The following MEGF6 variants were observed in gnomAD, a reference collection of about 807,000 sequenced individuals.
MEGF6 encodes multiple epidermal growth factor-like domains protein 6.
A neutral mutation model predicts 207.1 loss-of-function variants in MEGF6; 184 were observed. The ratio of observed to expected loss-of-function variants is 0.89; its 90% CI spans 0.79 to 1.00. MEGF6 has a LOEUF of 1.00. Among genes scored for constraint, MEGF6 ranks in the 50% least tolerant of loss-of-function variants. The pLI is 0.00. For synonymous variants in MEGF6, 1,038 were observed against 910.0 expected (o/e 1.14, Z -2.53); for missense variants, 2,282 against 2,202.9 (o/e 1.04, Z -0.72).
upstream of MEGF6, among the ~76,000 whole-genome samples, chr1:3,615,392 G>T (rs958215308): frequency 2.0e-5 from 3 of 152,164 alleles, no homozygotes; most frequent in African/African-American, 7.2e-5. Flanking sequence ...GCCTCCCTCT[G>T]GTCCTCTTTC....
intron 3 of MEGF6, among the ~76,000 whole-genome samples, chr1:3,581,925 C>T (rs757988578): frequency 1.1e-4 from 17 of 149,052 alleles, no homozygotes; most frequent in Non-Finnish European, 1.3e-4. Flanking sequence ...CCATACCATT[C>T]CCTCCCTCCC....
chr1:3,497,098 C>A lies in MEGF6; in HGVS notation c.3503G>T (p.Gly1168Val). 1 of 1,571,994 alleles carries A rather than the reference C, an allele frequency of 6.4e-7. No individual in the cohort carries two copies. The highest frequency in any genetic ancestry group is 1.2e-5 in the South Asian group (1 of 86,520). ...CTGGCACATCTGCGCACAGTCCTCCCCAAAGCTGCCGGGTGGGCAGGCTGG... is the reference window on the plus strand; with the variant it reads ...CTGGCACATCTGCGCACAGTCCTCCACAAAGCTGCCGGGTGGGCAGGCTGG... The part of the protein sequence containing the change: ...CEQACPPGSF[G>V]EDCAQMCQCP... Residue 1168 changes from glycine to valine, a missense_variant, in exon 28 of 37, where the codon GGG becomes GTG. Transcript: ENST00000356575.
At chr1:3,508,537 G>A in intron 13 of MEGF6, 21 bp downstream of exon 13, 1 of 1,607,652 alleles carries the variant, frequency 6.2e-7, no homozygotes. Context: ...CCAGCCCCCA[G>A]CCCCTGCCCA....
chr1:3,584,338 T>C (rs1477758877), intron 3 of MEGF6, among the ~76,000 whole-genome samples: 2 of 152,240 alleles, frequency 1.3e-5, no homozygotes, highest in Non-Finnish European at 2.9e-5. Flanking sequence ...GTGAAGACCT[T>C]GGGCCACTTC....
intron 4 of MEGF6, among the ~76,000 whole-genome samples, chr1:3,545,836 C>T (rs1362511496): frequency 6.6e-6 from 1 of 152,238 alleles, no homozygotes; most frequent in Non-Finnish European, 1.5e-5. Context: ...TCCCGCTGGC[C>T]ACAAGCACAG....
At position 3,542,465 on chromosome 1, in the gene MEGF6, T is replaced by A. The variant is rs1052942690; in HGVS notation, c.482-18219A>T. Among the ~76,000 whole-genome samples the A allele has an allele frequency of 2.0e-4, 31 of 151,312 alleles. 1 individual carries two copies. The highest frequency in any genetic ancestry group is 1.9e-3 in the Admixed American group (29 of 15,232). ...GGGGTCCCCAGGCCTGGATGTAGGG[T>A]CCTGGCCGCCCCCCACTCAGCCTGA... On this transcript the variant is annotated intron_variant, in intron 4 of 36. Coordinates refer to ENST00000356575, the MANE Select transcript of MEGF6 (RefSeq NM_001409.4).
intron 1 of MEGF6, among the ~76,000 whole-genome samples, chr1:3,602,869 CAA>C (rs1644183067): frequency 1.3e-5 from 2 of 152,192 alleles, no homozygotes; most frequent in African/African-American, 4.8e-5. Flanking sequence ...TAAGACCTTG[CAA>C]CACAGCCACC....
At chr1:3,567,069 G>A (rs1643361961) in intron 4 of MEGF6, among the ~76,000 whole-genome samples, 1 of 152,244 alleles carries the variant, frequency 6.6e-6, no homozygotes, top group Admixed American at 6.5e-5. Context: ...TGCACTTGGG[G>A]CCTGCTGCTG....
In MEGF6 at chr1:3,603,703, C is replaced by T. The variant is rs114420174; in HGVS notation, c.132-1103G>A. ...TCCTCATCAGAGGTCCCCACCCCAC[C>T]GGGAATATTGTCCAGGCTCGGTACC... On this transcript the variant is annotated intron_variant, in intron 1 of 36. Transcript: ENST00000356575. 4.9e-3 allele frequency among the ~76,000 whole-genome samples: 741 copies of T among 152,234 alleles called. 4 individuals are homozygous for T. The highest frequency in any genetic ancestry group is 0.016 in the African/African-American group (650 of 41,532).
chr1:3,509,498 C>T lies in MEGF6; in HGVS notation c.1358-253G>A, dbSNP rs550751400. On this transcript the variant is annotated intron_variant, in intron 11 of 36. Transcript: ENST00000356575. ...CCCTCTGCCCCCAGCCTCATCCCAA[C>T]TCTAGGGACTCTGGGGCCTAGAGGG... is the stretch of plus-strand genomic sequence containing the variant. Among the ~76,000 whole-genome samples the T allele has an allele frequency of 9.8e-5, 15 of 152,314 alleles. No individual in the cohort carries two copies. The East Asian group carries it at 2.7e-3, about 27-fold the overall frequency.
At chr1:3,536,605 G>A (rs1388435967) in intron 4 of MEGF6, among the ~76,000 whole-genome samples, 3 of 152,146 alleles carry the variant, frequency 2.0e-5, no homozygotes, top group Admixed American at 1.3e-4. Context: ...CGGAGAATGT[G>A]GGGTCTGGAA....
intron 4 of MEGF6, among the ~76,000 whole-genome samples, chr1:3,529,340 T>C (rs1642070323): frequency 6.6e-6 from 1 of 152,116 alleles, no homozygotes; most frequent in Non-Finnish European, 1.5e-5. Context: ...AACCTGCTCA[T>C]TCCAGGGACA....
At chr1:3,493,354 CCCCTCCTATCCTCAGGTGGGT>C (rs1640456929) in intron 34 of MEGF6, 4 of 240,528 alleles carry the variant, frequency 1.7e-5, no homozygotes, top group Middle Eastern at 1.5e-3. Context: ...CTCAGGTGAG[CCCCTCCTATCCTCAGGTGGGT>C]CCCTCCTATC....
At chr1:3,603,241 C>G (rs980511350) in intron 1 of MEGF6, among the ~76,000 whole-genome samples, 4 of 152,114 alleles carry the variant, frequency 2.6e-5, no homozygotes, top group Admixed American at 2.0e-4. Flanking sequence ...GGACAGGCAC[C>G]TTAAGCCAGC....
chr1:3,494,156 C>T lies in MEGF6; in HGVS notation c.4130-32G>A, dbSNP rs757459275. On this transcript the variant is annotated intron_variant, in intron 32 of 36. Coordinates refer to ENST00000356575, the MANE Select transcript of MEGF6 (RefSeq NM_001409.4). ...GACGCCGGTTACCACGAGACAAGGGCACACGGTGGCAGAAATGTCCAGTTT... is the reference window on the plus strand; with the variant it reads ...GACGCCGGTTACCACGAGACAAGGGTACACGGTGGCAGAAATGTCCAGTTT... The T allele has an allele frequency of 3.3e-6, 5 of 1,527,842 alleles. No homozygotes were observed. The South Asian group carries it at 3.9e-5, about 12-fold the overall frequency. 94.6% of individuals were successfully genotyped at this position (1,527,842 alleles called of 1,614,324 possible).
upstream of MEGF6, among the ~76,000 whole-genome samples, chr1:3,614,072 C>T (rs557579164): frequency 2.6e-5 from 4 of 152,246 alleles, no homozygotes; most frequent in Admixed American, 6.5e-5. Flanking sequence ...CTTTTTCCCA[C>T]GCCTTTCAGG....
Position 3,498,643 on chromosome 1 carries a change from C to T in MEGF6, c.3223+55G>A, listed in dbSNP as rs904740249. On this transcript the variant is annotated intron_variant, in intron 25 of 36. Transcript: ENST00000356575. ...CTGGGAGCCCTCCTAGGCCTGCAGG[C>T]GGGGCTGCACCAAGCATGCTGGGGT... is the stretch of plus-strand genomic sequence containing the variant. The T allele has an allele frequency of 4.0e-6, 6 of 1,507,084 alleles. No homozygotes were observed. The African/African-American group carries it at 5.5e-5, about 14-fold the overall frequency. 93.4% of individuals were successfully genotyped at this position (1,507,084 alleles called of 1,614,324 possible).
At chr1:3,605,350 C>T (rs543150331) in intron 1 of MEGF6, among the ~76,000 whole-genome samples, 46 of 112,622 alleles carry the variant, frequency 4.1e-4, no homozygotes, top group African/African-American at 1.1e-3. Context: ...CTCATACACT[C>T]ACGCACGTTC....
At chr1:3,563,555 C>T (rs1002367137) in intron 4 of MEGF6, among the ~76,000 whole-genome samples, 2 of 152,188 alleles carry the variant, frequency 1.3e-5, no homozygotes, top group African/African-American at 4.8e-5. Flanking sequence ...GCCTGGCACC[C>T]GGGAAAGGCC....
Sources: gnomAD v4.1 joint callset for allele counts (sites outside exome capture counted in the v4.1 genomes callset) on GRCh38, gnomAD v4.1.1 for gene constraint, MANE v1.5 for transcripts, NCBI Gene and HGNC (gene_info 2026-07-23, HGNC 2026-07-21) for gene names.